The following TECRL variants were observed in gnomAD, a reference collection of about 807,000 sequenced individuals.
The protein encoded by TECRL is trans-2,3-enoyl-CoA reductase-like.
A neutral mutation model predicts 52.8 loss-of-function variants in TECRL; 63 were observed. That is an observed-to-expected ratio of 1.19 (90% CI 0.97 to 1.47). The LOEUF (loss-of-function observed/expected upper bound fraction) is 1.47, where lower values mean the gene tolerates loss of function less well. TECRL is among the 40% of genes most tolerant of loss of function. TECRL has a pLI of 0.00. For synonymous variants in TECRL, 164 were observed against 141.9 expected (o/e 1.16, Z -1.10); for missense variants, 482 against 429.6 (o/e 1.12, Z -1.08).
At chr4:64,314,341 T>C (rs987302057) in intron 5 of TECRL, among the ~76,000 whole-genome samples, 8 of 152,164 alleles carry the variant, frequency 5.3e-5, no homozygotes, top group African/African-American at 1.9e-4. Context: ...TTTGTAATTG[T>C]AAACTTCTTT....
At chr4:64,345,827 C>T (rs1271416669) in intron 2 of TECRL, among the ~76,000 whole-genome samples, 3 of 133,452 alleles carry the variant, frequency 2.2e-5, no homozygotes. Context: ...TGCAGGTAAT[C>T]TTTTCCACTT....
chr4:64,397,859 AG>A (rs1446828163), intron 1 of TECRL: 1 of 151,542 alleles, frequency 6.6e-6, no homozygotes, highest in Non-Finnish European at 1.5e-5. Flanking sequence ...ACTTAAACAC[AG>A]GGTTGATATT....
chr4:64,394,907 A>ATTTTTTT (rs751448355), intron 1 of TECRL, among the ~76,000 whole-genome samples: 1 of 105,116 alleles, frequency 9.5e-6, no homozygotes, highest in African/African-American at 4.0e-5. Context: ...ATTAACAAGC[A>ATTTTTTT]TTTTTTTTTT....
At chr4:64,304,708 A>G (rs1724226365) in intron 7 of TECRL, among the ~76,000 whole-genome samples, 1 of 152,090 alleles carries the variant, frequency 6.6e-6, no homozygotes, top group Admixed American at 6.6e-5. Context: ...CAAATGTTTC[A>G]TCTGAGTCAA....
At chr4:64,292,043 A>C (rs1723419565) in intron 8 of TECRL, among the ~76,000 whole-genome samples, 1 of 152,016 alleles carries the variant, frequency 6.6e-6, no homozygotes, top group South Asian at 2.1e-4. Context: ...AATCCAATAC[A>C]GTTTGCGATG....
At chr4:64,350,397 T>A (rs1720299796) in intron 2 of TECRL, among the ~76,000 whole-genome samples, 3 of 152,162 alleles carry the variant, frequency 2.0e-5, no homozygotes, top group Non-Finnish European at 2.9e-5. Context: ...ATTACATAAC[T>A]AGGTGTGAAG....
At chr4:64,374,067 A>ATG (rs1722191528) in intron 2 of TECRL, among the ~76,000 whole-genome samples, 11 of 126,228 alleles carry the variant, frequency 8.7e-5, no homozygotes, top group African/African-American at 3.3e-4. Flanking sequence ...ATATATATAT[A>ATG]TATATATATA....
intron 11 of TECRL, 144 bp from the exon 12 acceptor site, chr4:64,280,343 T>C: frequency 1.6e-6 from 1 of 610,718 alleles, no homozygotes; most frequent in East Asian, 3.7e-5. Flanking sequence ...TTCATACCCA[T>C]TCCCAAGCAA....
chr4:64,395,414 G>C (rs752341692), intron 1 of TECRL, among the ~76,000 whole-genome samples: 4 of 152,020 alleles, frequency 2.6e-5, no homozygotes, highest in Non-Finnish European at 4.4e-5. Flanking sequence ...ATAAGTTTGA[G>C]CACAAAACTT....
chr4:64,405,672 T>A (rs1296792672), intron 1 of TECRL, among the ~76,000 whole-genome samples: 1 of 152,106 alleles, frequency 6.6e-6, no homozygotes, highest in Middle Eastern at 3.2e-3. Flanking sequence ...ACTAGGAAGT[T>A]TTTTTTAAAT....
At chr4:64,364,773 C>A (rs1406318492) in intron 2 of TECRL, among the ~76,000 whole-genome samples, 2 of 151,978 alleles carry the variant, frequency 1.3e-5, no homozygotes, top group Non-Finnish European at 2.9e-5. Context: ...ACAAAACCTA[C>A]CAACCAGAAA....
rs1724256129 is a variant in TECRL, at chr4:64,305,160, A to G, written c.730+6T>C. On this transcript the variant is annotated splice_donor_region_variant and intron_variant, in intron 7 of 11. Coordinates refer to ENST00000381210, the MANE Select transcript of TECRL (RefSeq NM_001010874.5). ...ATACGGTTAGTTAAGAAGAAACCCT[A>G]CATACATGGTGGTGTATATAGTGGA... 2 of 1,605,584 alleles carry G rather than the reference A, an allele frequency of 1.2e-6. No individual in the cohort carries two copies. Among genetic ancestry groups the G allele is most frequent in the African/African-American group, 1.3e-5 (1 of 74,830 alleles).
intron 6 of TECRL, among the ~76,000 whole-genome samples, chr4:64,305,666 C>T (rs888227103): frequency 2.6e-5 from 4 of 152,172 alleles, no homozygotes; most frequent in African/African-American, 9.6e-5. Flanking sequence ...ATCCTGACCA[C>T]ATTATAATGC....
intron 2 of TECRL, among the ~76,000 whole-genome samples, chr4:64,347,787 T>C (rs1026339795): frequency 1.3e-5 from 2 of 152,104 alleles, no homozygotes; most frequent in African/African-American, 4.8e-5. Context: ...ATGCAGGGAT[T>C]ATAATTGAGA....
At chr4:64,322,635 A>AT in intron 4 of TECRL, 54 bp downstream of exon 4, 1 of 1,285,130 alleles carries the variant, frequency 7.8e-7, no homozygotes, top group East Asian at 2.4e-5. Context: ...CTGTCAATAA[A>AT]TTATTTAGAG....
chr4:64,341,003 G>T (rs1342825234), intron 2 of TECRL, among the ~76,000 whole-genome samples: 1 of 152,096 alleles, frequency 6.6e-6, no homozygotes, highest in Non-Finnish European at 1.5e-5. Context: ...GCTTGCAGTG[G>T]AGAACAACCC....
At chr4:64,381,374 T>A (rs1227470757) in intron 1 of TECRL, among the ~76,000 whole-genome samples, 1 of 149,780 alleles carries the variant, frequency 6.7e-6, no homozygotes, top group Non-Finnish European at 1.5e-5. Flanking sequence ...TGGATGCCCT[T>A]TTTTTTTTTC....
chr4:64,377,611 A>T (rs906023391), intron 1 of TECRL, among the ~76,000 whole-genome samples: 6 of 152,086 alleles, frequency 3.9e-5, no homozygotes, highest in Non-Finnish European at 8.8e-5. Flanking sequence ...ATCTTAAAAT[A>T]GTGAGTAGGC....
At chr4:64,359,126 A>T (rs1720990107) in intron 2 of TECRL, among the ~76,000 whole-genome samples, 1 of 151,954 alleles carries the variant, frequency 6.6e-6, no homozygotes, top group Non-Finnish European at 1.5e-5. Flanking sequence ...TAGCATTTTT[A>T]TATTACTCCT....
Sources: allele counts gnomAD v4.1 joint callset (sites outside exome capture counted in the v4.1 genomes callset), GRCh38; gene constraint gnomAD v4.1.1; transcripts MANE v1.5; gene names NCBI Gene and HGNC (gene_info 2026-07-23, HGNC 2026-07-21).